The following MYO9A variants were observed in gnomAD, a reference collection of about 807,000 sequenced individuals.
MYO9A encodes unconventional myosin-IXa.
MYO9A carries 103 observed loss-of-function variants against 293.3 expected under a neutral mutation model. The observed-to-expected ratio is 0.35, with a 90% CI of 0.30 to 0.41. The LOEUF (loss-of-function observed/expected upper bound fraction) is 0.41, where lower values mean the gene tolerates loss of function less well. Among genes scored for constraint, MYO9A ranks in the 10% least tolerant of loss-of-function variants. MYO9A has a pLI of 1.00. For synonymous variants in MYO9A, 1,001 were observed against 1,035.7 expected (o/e 0.97, Z 0.64); for missense variants, 2,685 against 3,033.0 (o/e 0.89, Z 2.69).
chr15:71,836,372 G>A (rs2054942319), intron 39 of MYO9A, among the ~76,000 whole-genome samples: 1 of 152,044 alleles, frequency 6.6e-6, no homozygotes, highest in Non-Finnish European at 1.5e-5. Context: ...GGCAAAAGAA[G>A]TGCTGGAAGG....
chr15:71,972,832 T>C (rs2957735), intron 12 of MYO9A, among the ~76,000 whole-genome samples: 100,902 of 151,832 alleles, frequency 0.66, 34,289 homozygotes, highest in Middle Eastern at 0.74. Context: ...TATGAAGCCA[T>C]AGCTGCTATG....
At chr15:71,894,132 C>T (rs999185771) in intron 25 of MYO9A, among the ~76,000 whole-genome samples, 3 of 152,102 alleles carry the variant, frequency 2.0e-5, no homozygotes. Flanking sequence ...TACAAGGGGC[C>T]TTTCCATCTA....
chr15:71,955,371 C>T (rs2059154465), intron 14 of MYO9A, among the ~76,000 whole-genome samples: 1 of 152,182 alleles, frequency 6.6e-6, no homozygotes. Flanking sequence ...TCAGGTGATC[C>T]ACCCACCTTG....
At chr15:71,854,806 G>A (rs980887193) in intron 34 of MYO9A, among the ~76,000 whole-genome samples, 8 of 152,162 alleles carry the variant, frequency 5.3e-5, no homozygotes, top group Admixed American at 1.3e-4. Context: ...CAGTGGCAAA[G>A]GGCTACAGCT....
At chr15:72,090,073 T>C (rs2079857927) in intron 1 of MYO9A, among the ~76,000 whole-genome samples, 1 of 152,202 alleles carries the variant, frequency 6.6e-6, no homozygotes, top group Non-Finnish European at 1.5e-5. Context: ...AATCACTATG[T>C]ACTGCATGGT....
chr15:72,051,387 A>T (rs1187898834), intron 1 of MYO9A, among the ~76,000 whole-genome samples: 1 of 152,082 alleles, frequency 6.6e-6, no homozygotes, highest in Non-Finnish European at 1.5e-5. Flanking sequence ...CCCTAGGTGC[A>T]GCTGCGGCCA....
At chr15:72,097,779 G>A (rs936141780) in intron 1 of MYO9A, among the ~76,000 whole-genome samples, 13 of 152,166 alleles carry the variant, frequency 8.5e-5, no homozygotes, top group Middle Eastern at 3.4e-3. Context: ...GCATGGTGGC[G>A]TGCGCCTGTA....
intron 19 of MYO9A, among the ~76,000 whole-genome samples, chr15:71,916,031 A>C (rs1428204497): frequency 6.6e-6 from 1 of 152,178 alleles, no homozygotes; most frequent in Admixed American, 6.5e-5. Flanking sequence ...AGGTTTAAGC[A>C]GGGAAAAAAA....
chr15:71,965,903 G>A (rs560057659), intron 13 of MYO9A, among the ~76,000 whole-genome samples: 1 of 151,530 alleles, frequency 6.6e-6, no homozygotes, highest in East Asian at 1.9e-4. Flanking sequence ...TGGAGACAGA[G>A]TCTCACTCTC....
rs1201283220 is a variant in MYO9A at position 71,935,329 on chromosome 15, A to G, written c.2522+12T>C. 6.2e-7 allele frequency: 1 copy of G among 1,601,792 alleles called. No homozygotes were observed. Among genetic ancestry groups the G allele is most frequent in the East Asian group, 2.2e-5 (1 of 44,786 alleles). On this transcript the variant is annotated intron_variant, in intron 17 of 41. Transcript: ENST00000356056. ...AAACAAAAAACAATTTACATTACTG[A>G]TTAGTACTGACGTGAGAATTCCATG...
chr15:71,900,848 C>T (rs1219781610), intron 23 of MYO9A, among the ~76,000 whole-genome samples: 1 of 152,016 alleles, frequency 6.6e-6, no homozygotes, highest in Non-Finnish European at 1.5e-5. Flanking sequence ...CTAAAACCAA[C>T]GGTATATATA....
intron 11 of MYO9A, 134 bp downstream of exon 11, chr15:71,990,969 A>C: frequency 1.1e-6 from 1 of 888,184 alleles, no homozygotes; most frequent in Non-Finnish European, 1.6e-6. Flanking sequence ...TTGTTTGTAA[A>C]GGCACGTTTC....
At chr15:71,919,947 C>A (rs953159245) in intron 18 of MYO9A, among the ~76,000 whole-genome samples, 2 of 151,258 alleles carry the variant, frequency 1.3e-5, no homozygotes, top group Non-Finnish European at 2.9e-5. Flanking sequence ...ATAACCTGGT[C>A]AATCAACAAA....
At position 72,065,515 on chromosome 15, in the gene MYO9A, CA is replaced by C. The variant is rs780113322; in HGVS notation, c.-71-18882del. On this transcript the variant is annotated intron_variant, in intron 1 of 41. Coordinates refer to ENST00000356056, the MANE Select transcript of MYO9A (RefSeq NM_006901.4). ...GGGCAACAAGAGCAAAACTCCGTCTCAAAAAAAAAAAAAAAAAGAATATTTA... is the reference window on the plus strand; with the variant it reads ...GGGCAACAAGAGCAAAACTCCGTCTCAAAAAAAAAAAAAAAAGAATATTTA... Among the ~76,000 whole-genome samples the C allele has an allele frequency of 6.0e-3, 339 of 56,584 alleles. 1 individual carries two copies. Among genetic ancestry groups the C allele is most frequent in the Middle Eastern group, 0.022 (2 of 92 alleles). The allele number at this position is 56,584 out of a possible 152,430, so 37.1% of individuals were successfully genotyped here.
chr15:72,095,720 G>A lies in MYO9A; in HGVS notation c.-72+21960C>T, dbSNP rs1302955424. Among the ~76,000 whole-genome samples the A allele has an allele frequency of 1.8e-4, 17 of 92,470 alleles. 7 individuals are homozygous for A. Among genetic ancestry groups the A allele is most frequent in the Non-Finnish European group, 5.6e-4 (17 of 30,550 alleles). The allele number at this position is 92,470 out of a possible 152,430, so 60.7% of individuals were successfully genotyped here. A position where few individuals can be genotyped will look rare whatever the true frequency, so the allele number is the denominator to read the frequency against. ...GCCTCTCCTGCTAGGGGCTAAGGCA[G>A]CTAATGACTAAGCTGAAACCAATGC... On this transcript the variant is annotated intron_variant, in intron 1 of 41. Coordinates refer to ENST00000356056, the MANE Select transcript of MYO9A (RefSeq NM_006901.4).
At position 71,899,850 on chromosome 15, in the gene MYO9A, C is replaced by T. The variant is rs1219523770; in HGVS notation, c.3307G>A (p.Val1103Ile). 5.0e-6 allele frequency: 8 copies of T among 1,614,118 alleles called. No individual in the cohort carries two copies. Among genetic ancestry groups the T allele is most frequent in the East Asian group, 2.2e-5 (1 of 44,868 alleles). ...RYLELRAAAI[V>I]IQQKWRDYYR... ...TAATCTCTCCATTTCTGCTGGATAA[C>T]GATGGCTGCAGCCCGTAACTCCAAG... Residue 1103 changes from valine to isoleucine, a missense_variant, in exon 24 of 42, where the codon GTT becomes ATT. By Grantham distance (29) the Val-to-Ile change is conservative. Transcript: ENST00000356056.
intron 18 of MYO9A, among the ~76,000 whole-genome samples, chr15:71,929,262 T>A (rs1227350127): frequency 1.3e-5 from 2 of 152,206 alleles, no homozygotes; most frequent in Non-Finnish European, 1.5e-5. Context: ...TGAATCTGGA[T>A]GCCTTTTATT....
intron 13 of MYO9A, among the ~76,000 whole-genome samples, chr15:71,964,052 A>G (rs1308182995): frequency 2.0e-5 from 3 of 152,146 alleles, no homozygotes; most frequent in Non-Finnish European, 4.4e-5. Flanking sequence ...TTTTGTTTTC[A>G]AATTTCCTGA....
chr15:72,064,580 A>C (rs2078966468), intron 1 of MYO9A, among the ~76,000 whole-genome samples: 2 of 152,376 alleles, frequency 1.3e-5, no homozygotes, highest in South Asian at 4.1e-4. Flanking sequence ...ACACCAGTGT[A>C]TACCATTTCA....
Sources: allele counts gnomAD v4.1 joint callset (sites outside exome capture counted in the v4.1 genomes callset), GRCh38; gene constraint gnomAD v4.1.1; transcripts MANE v1.5; gene names NCBI Gene and HGNC (gene_info 2026-07-23, HGNC 2026-07-21).